IQCJ: variants seen among roughly 807,000 people sequenced by gnomAD.
The protein encoded by IQCJ is IQ motif containing J, also known as IQ domain-containing protein J.
A neutral mutation model predicts 11.0 loss-of-function variants in IQCJ; 9 were observed. The ratio of observed to expected loss-of-function variants is 0.82; its 90% CI spans 0.49 to 1.43. The LOEUF (loss-of-function observed/expected upper bound fraction) is 1.43. IQCJ is among the 40% of genes most tolerant of loss of function. The pLI is 0.00. For missense variants in IQCJ, 146 were observed against 133.2 expected (o/e 1.10, Z -0.47); for synonymous variants, 55 against 51.3 (o/e 1.07, Z -0.31).
At chr3:159,181,709 C>T (rs2108016269) in intron 1 of IQCJ, among the ~76,000 whole-genome samples, 1 of 151,886 alleles carries the variant, frequency 6.6e-6, no homozygotes, top group Admixed American at 6.5e-5. Flanking sequence ...CTTCTAGAAT[C>T]CTTCCACATC....
intron 1 of IQCJ, among the ~76,000 whole-genome samples, chr3:159,212,794 A>G (rs575378518): frequency 6.6e-6 from 1 of 152,304 alleles, no homozygotes; most frequent in African/African-American, 2.4e-5. Flanking sequence ...CGAAGGGAAA[A>G]TATTAAGCCA....
intron 1 of IQCJ, among the ~76,000 whole-genome samples, chr3:159,185,642 T>C (rs2365481): frequency 0.1 from 15,914 of 152,238 alleles, 2,814 homozygotes; most frequent in African/African-American, 0.37. Flanking sequence ...GACTGAGGCT[T>C]GAAGATCCAC....
intron 1 of IQCJ, among the ~76,000 whole-genome samples, chr3:159,146,841 A>T (rs190530792): frequency 3.0e-4 from 45 of 152,386 alleles, no homozygotes; most frequent in Admixed American, 1.2e-3. Flanking sequence ...ATTCCATCAC[A>T]TATTTCAGCC....
At chr3:159,103,558 C>T (rs565639785) in intron 1 of IQCJ, among the ~76,000 whole-genome samples, 137 of 152,280 alleles carry the variant, frequency 9.0e-4, no homozygotes, top group Non-Finnish European at 1.5e-3. Flanking sequence ...GACAAAAAGC[C>T]CAAACTAAAG....
chr3:159,195,656 G>A (rs770138554), intron 1 of IQCJ, among the ~76,000 whole-genome samples: 55 of 152,282 alleles, frequency 3.6e-4, no homozygotes, highest in African/African-American at 1.2e-3. Flanking sequence ...GTATCCTTAC[G>A]ATTAAGTACT....
At chr3:159,252,114 C>G (rs1727637995) in intron 2 of IQCJ, among the ~76,000 whole-genome samples, 4 of 152,186 alleles carry the variant, frequency 2.6e-5, no homozygotes, top group Admixed American at 2.6e-4. Context: ...TCACTCTCAA[C>G]TTACCTACTT....
chr3:159,240,069 A>AT (rs1213673784), intron 1 of IQCJ, among the ~76,000 whole-genome samples: 1 of 152,186 alleles, frequency 6.6e-6, no homozygotes, highest in Non-Finnish European at 1.5e-5. Context: ...GTGTGATATG[A>AT]TTAAAAAAAA....
intron 1 of IQCJ, among the ~76,000 whole-genome samples, chr3:159,226,792 G>A (rs1725880744): frequency 6.6e-6 from 1 of 152,166 alleles, no homozygotes; most frequent in South Asian, 2.1e-4. Context: ...GGCATATGAA[G>A]GGGCTTGTGA....
At chr3:159,119,243 C>T (rs543724961) in intron 1 of IQCJ, among the ~76,000 whole-genome samples, 13 of 152,300 alleles carry the variant, frequency 8.5e-5, no homozygotes, top group African/African-American at 3.1e-4. Context: ...ATCAATTAGC[C>T]TAGGAGGCTG....
intron 1 of IQCJ, among the ~76,000 whole-genome samples, chr3:159,073,341 C>T (rs920130698): frequency 6.6e-6 from 1 of 152,064 alleles, no homozygotes; most frequent in Admixed American, 6.5e-5. Context: ...CAGTGTACCT[C>T]CCTGGCTGCC....
At chr3:159,170,876 A>G (rs1722450940) in intron 1 of IQCJ, among the ~76,000 whole-genome samples, 1 of 152,174 alleles carries the variant, frequency 6.6e-6, no homozygotes, top group African/African-American at 2.4e-5. Flanking sequence ...TTTTAGTTTC[A>G]TCTAATATTA....
chr3:159,210,518 A>G (rs1206579494), intron 1 of IQCJ, among the ~76,000 whole-genome samples: 2 of 152,174 alleles, frequency 1.3e-5, no homozygotes, highest in Non-Finnish European at 2.9e-5. Flanking sequence ...GGTGGTGTTT[A>G]TGTCTCTGAC....
Position 159,263,539 on chromosome 3 carries a change from A to G in IQCJ, c.*808A>G. On this transcript the variant is annotated 3_prime_UTR_variant, in exon 4 of 4. Coordinates refer to ENST00000397832, the MANE Select transcript of IQCJ (RefSeq NM_001042706.3). ...TTAAGCATTGTGATAATTTGTAACC[A>G]GTCACTGAAATGCTGAAAAGTTAGA... 1.0e-6 allele frequency: 1 copy of G among 985,194 alleles called. No homozygotes were observed. Among genetic ancestry groups the G allele is most frequent in the Non-Finnish European group, 1.2e-6 (1 of 829,714 alleles). 61.0% of individuals were successfully genotyped at this position (985,194 alleles called of 1,614,324 possible). A position where few individuals can be genotyped will look rare whatever the true frequency, so the allele number is the denominator to read the frequency against.
chr3:159,223,275 A>G (rs1423850197), intron 1 of IQCJ, among the ~76,000 whole-genome samples: 1 of 152,280 alleles, frequency 6.6e-6, no homozygotes, highest in East Asian at 1.9e-4. Flanking sequence ...TTCAGATGAA[A>G]TAAGTGTCAA....
chr3:159,079,589 T>C (rs1466737204), intron 1 of IQCJ, among the ~76,000 whole-genome samples: 1 of 152,158 alleles, frequency 6.6e-6, no homozygotes. Flanking sequence ...TCATATTCAT[T>C]TTGGTATATA....
chr3:159,238,065 A>T (rs1238763128), intron 1 of IQCJ, among the ~76,000 whole-genome samples: 2 of 152,094 alleles, frequency 1.3e-5, no homozygotes, highest in Non-Finnish European at 2.9e-5. Context: ...CAATAGTTGA[A>T]TGGGGCAAAG....
At chr3:159,102,950 A>G (rs1164542396) in intron 1 of IQCJ, among the ~76,000 whole-genome samples, 1 of 152,228 alleles carries the variant, frequency 6.6e-6, no homozygotes, top group Non-Finnish European at 1.5e-5. Context: ...TAAAAGCTAC[A>G]TAAAATGATT....
At chr3:159,085,841 T>C (rs576621626) in intron 1 of IQCJ, among the ~76,000 whole-genome samples, 150 of 151,282 alleles carry the variant, frequency 9.9e-4, no homozygotes, top group Middle Eastern at 3.4e-3. Context: ...GAGTAGGTTG[T>C]GAAAATTTTC....
At chr3:159,196,197 G>A (rs879288572) in intron 1 of IQCJ, among the ~76,000 whole-genome samples, 5 of 152,160 alleles carry the variant, frequency 3.3e-5, no homozygotes, top group Non-Finnish European at 7.4e-5. Flanking sequence ...AATCAGTACA[G>A]TATTTCACTC....
Sources: allele counts gnomAD v4.1 joint callset (sites outside exome capture counted in the v4.1 genomes callset), GRCh38; gene constraint gnomAD v4.1.1; transcripts MANE v1.5; gene names NCBI Gene and HGNC (gene_info 2026-07-23, HGNC 2026-07-21).